AGBL4: variants seen among roughly 807,000 people sequenced by gnomAD.
AGBL4 encodes the protein cytosolic carboxypeptidase 6.
In AGBL4, 58 loss-of-function variants were observed where a neutral mutation model predicts 66.4. That is an observed-to-expected ratio of 0.87 (90% CI 0.71 to 1.09). AGBL4 has a LOEUF of 1.09. Among genes scored for constraint, AGBL4 ranks in the 50% least tolerant of loss-of-function variants. The pLI is 0.00. For missense variants in AGBL4, 579 were observed against 631.0 expected (o/e 0.92, Z 0.88); for synonymous variants, 234 against 222.9 (o/e 1.05, Z -0.44).
At chr1:49,733,493 C>A (rs1310938055) in intron 2 of AGBL4, among the ~76,000 whole-genome samples, 1 of 152,134 alleles carries the variant, frequency 6.6e-6, no homozygotes, top group African/African-American at 2.4e-5. Flanking sequence ...GGCTGGGTGG[C>A]TTGAACAACG....
intron 6 of AGBL4, among the ~76,000 whole-genome samples, chr1:48,842,373 A>G (rs901640919): frequency 6.6e-6 from 1 of 152,172 alleles, no homozygotes; most frequent in Non-Finnish European, 1.5e-5. Context: ...GCGATAAATG[A>G]AATGAAAACT....
At chr1:49,118,152 T>A (rs545809983) in intron 4 of AGBL4, among the ~76,000 whole-genome samples, 45 of 152,310 alleles carry the variant, frequency 3.0e-4, no homozygotes, top group African/African-American at 1.1e-3. Flanking sequence ...TATGATCATG[T>A]CATCTGCAAA....
intron 1 of AGBL4, among the ~76,000 whole-genome samples, chr1:49,893,184 A>G (rs1157571725): frequency 2.0e-5 from 3 of 152,166 alleles, no homozygotes; most frequent in Non-Finnish European, 2.9e-5. Flanking sequence ...ACCCAGCTAT[A>G]TCTTTTAGTA....
intron 5 of AGBL4, among the ~76,000 whole-genome samples, chr1:48,997,741 A>C (rs1448500877): frequency 6.6e-6 from 1 of 152,196 alleles, no homozygotes; most frequent in Non-Finnish European, 1.5e-5. Context: ...TGCCTACTTC[A>C]TAGGAATATT....
intron 6 of AGBL4, among the ~76,000 whole-genome samples, chr1:48,774,150 GATTAATTAATCA>G (rs981069118): frequency 2.0e-5 from 3 of 152,228 alleles, no homozygotes; most frequent in Non-Finnish European, 4.4e-5. Context: ...GTGTCAGAGA[GATTAATTAATCA>G]ATTAATAGCT....
At chr1:48,856,941 G>A (rs1647175204) in intron 6 of AGBL4, among the ~76,000 whole-genome samples, 1 of 152,130 alleles carries the variant, frequency 6.6e-6, no homozygotes, top group Non-Finnish European at 1.5e-5. Flanking sequence ...GACTGAAAGG[G>A]ATAATATCAC....
chr1:48,899,899 ACC>A (rs1651919084), intron 5 of AGBL4, among the ~76,000 whole-genome samples: 1 of 152,204 alleles, frequency 6.6e-6, no homozygotes, highest in African/African-American at 2.4e-5. Flanking sequence ...ATATGATTTC[ACC>A]CTTTAATAAG....
At chr1:48,825,135 G>T (rs1473024394) in intron 6 of AGBL4, among the ~76,000 whole-genome samples, 1 of 152,154 alleles carries the variant, frequency 6.6e-6, no homozygotes, top group Non-Finnish European at 1.5e-5. Context: ...TAGCTTGGAG[G>T]GAGGAGGGAA....
chr1:49,001,032 A>G (rs1023699757), intron 5 of AGBL4, among the ~76,000 whole-genome samples: 2 of 152,196 alleles, frequency 1.3e-5, no homozygotes, highest in African/African-American at 4.8e-5. Flanking sequence ...ATCATCTTTA[A>G]TGAGTCAGTT....
rs529223283 is a variant in AGBL4 at position 49,114,033 on chromosome 1, C to G, written c.378-68233G>C. Among the ~76,000 whole-genome samples, 44 of 152,330 alleles carry G rather than the reference C, an allele frequency of 2.9e-4. No individual in the cohort carries two copies. The South Asian group carries it at 7.7e-3, about 27-fold the overall frequency. ...AACTTAAAGTCATCAGCTCCATTAG[C>G]TCCTCACAAGAGAGTCAGCCTGTCC... On this transcript the variant is annotated intron_variant, in intron 4 of 13. Coordinates refer to ENST00000371839, the MANE Select transcript of AGBL4 (RefSeq NM_032785.4).
intron 2 of AGBL4, among the ~76,000 whole-genome samples, chr1:49,791,201 C>A (rs749694611): frequency 6.6e-6 from 1 of 150,460 alleles, no homozygotes; most frequent in African/African-American, 2.5e-5. Flanking sequence ...AGAGCAACTG[C>A]GATAAATGAA....
intron 5 of AGBL4, among the ~76,000 whole-genome samples, chr1:49,031,010 TTGG>T (rs3078824): frequency 0.41 from 61,604 of 151,680 alleles, 15,836 homozygotes; most frequent in Non-Finnish European, 0.57. Context: ...GAAATAAATC[TTGG>T]TGGTCTGTTG....
At chr1:49,678,579 A>C (rs949979451) in intron 3 of AGBL4, among the ~76,000 whole-genome samples, 2 of 152,022 alleles carry the variant, frequency 1.3e-5, no homozygotes, top group Admixed American at 6.6e-5. Flanking sequence ...CTTCTTTTCT[A>C]ATGTAAGTAT....
intron 3 of AGBL4, among the ~76,000 whole-genome samples, chr1:49,547,503 A>G (rs78262069): frequency 6.6e-6 from 1 of 152,152 alleles, no homozygotes; most frequent in Non-Finnish European, 1.5e-5. Context: ...CTTTGGTTCC[A>G]TATGAATTTT....
chr1:48,887,152 A>G (rs1650441360), intron 5 of AGBL4, among the ~76,000 whole-genome samples: 1 of 152,172 alleles, frequency 6.6e-6, no homozygotes, highest in Non-Finnish European at 1.5e-5. Context: ...GCAAAGACCC[A>G]GAGATAGGGA....
At chr1:49,057,121 G>T (rs1487287148) in intron 4 of AGBL4, among the ~76,000 whole-genome samples, 1 of 152,050 alleles carries the variant, frequency 6.6e-6, no homozygotes, top group Non-Finnish European at 1.5e-5. Context: ...GCTTAATTGG[G>T]CCAGAGTGGT....
chr1:49,213,881 G>A (rs892745221), intron 4 of AGBL4, among the ~76,000 whole-genome samples: 5 of 152,032 alleles, frequency 3.3e-5, no homozygotes, highest in Non-Finnish European at 5.9e-5. Context: ...GACACAAATG[G>A]CTCTGAGTAT....
intron 6 of AGBL4, among the ~76,000 whole-genome samples, chr1:48,709,974 C>G (rs1646940309): frequency 6.6e-6 from 1 of 152,146 alleles, no homozygotes; most frequent in East Asian, 1.9e-4. Flanking sequence ...GAAATAGGTC[C>G]TGTTGTACAC....
At chr1:49,516,346 T>C (rs1649822758) in intron 3 of AGBL4, among the ~76,000 whole-genome samples, 1 of 151,974 alleles carries the variant, frequency 6.6e-6, no homozygotes, top group Middle Eastern at 3.2e-3. Flanking sequence ...CAAGGGAGGT[T>C]CTCCAAAGAA....
Sources: allele counts gnomAD v4.1 joint callset (sites outside exome capture counted in the v4.1 genomes callset), GRCh38; gene constraint gnomAD v4.1.1; transcripts MANE v1.5; gene names NCBI Gene and HGNC (gene_info 2026-07-23, HGNC 2026-07-21).